RPTOR: variants seen among roughly 807,000 people sequenced by gnomAD.
The protein encoded by RPTOR is regulatory associated protein of MTOR complex 1.
In RPTOR, 21 loss-of-function variants were observed where a neutral mutation model predicts 169.9. The ratio of observed to expected loss-of-function variants is 0.12; its 90% CI spans 0.09 to 0.18. The LOEUF (loss-of-function observed/expected upper bound fraction) is 0.18, where lower values mean the gene tolerates loss of function less well. Among genes scored for constraint, RPTOR ranks in the 10% least tolerant of loss-of-function variants. RPTOR has a pLI of 1.00. For synonymous variants in RPTOR, 732 were observed against 753.2 expected (o/e 0.97, Z 0.46); for missense variants, 1,133 against 1,855.9 (o/e 0.61, Z 7.16).
chr17:80,865,021 G>A (rs2067971083), intron 13 of RPTOR, among the ~76,000 whole-genome samples: 2 of 152,288 alleles, frequency 1.3e-5, no homozygotes, highest in Non-Finnish European at 1.5e-5. Flanking sequence ...AGAGCAAAAT[G>A]CATGCTAACA....
intron 3 of RPTOR, among the ~76,000 whole-genome samples, chr17:80,663,110 G>A (rs1157697320): frequency 6.6e-6 from 1 of 152,130 alleles, no homozygotes; most frequent in East Asian, 1.9e-4. Context: ...GTTCACTCAG[G>A]GTGAGGCTTC....
Position 80,754,445 on chromosome 17 carries a change from A to G in RPTOR, c.830+260A>G, listed in dbSNP as rs566215722. Among the ~76,000 whole-genome samples the G allele has an allele frequency of 6.6e-6, 1 of 152,096 alleles. No individual in the cohort carries two copies. The highest frequency in any genetic ancestry group is 1.9e-4 in the East Asian group (1 of 5,170). On this transcript the variant is annotated intron_variant, in intron 6 of 33. Transcript: ENST00000306801. The surrounding 1 kb of genome is among the most constrained non-coding windows in gnomAD (Gnocchi z 4.2). Reference sequence around the variant, plus strand: ...CGATTTCCAAGAACACCCTCTCCTTACCTTTGTTCACTGCGGAGGCGTCTT... The same window carrying G: ...CGATTTCCAAGAACACCCTCTCCTTGCCTTTGTTCACTGCGGAGGCGTCTT...
At position 80,561,242 on chromosome 17, in the gene RPTOR, TATATATATGTATATATATATGTATATA is replaced by T. The variant is rs1568304493; in HGVS notation, c.162+15452_162+15478del. Among the ~76,000 whole-genome samples, 3 of 5,454 alleles carry T rather than the reference TATATATATGTATATATATATGTATATA, an allele frequency of 5.5e-4. No homozygotes were observed. In the Admixed American group the frequency reaches 0.027, roughly 49 times the overall value. 3.6% of individuals were successfully genotyped at this position (5,454 alleles called of 152,430 possible). On this transcript the variant is annotated intron_variant, in intron 1 of 33. Transcript: ENST00000306801. ...CCTGCCACCACACCCGGCTAATTTA[TATATATATGTATATATATATGTATATA>T]TATATATATATATATATATTTAGTA...
intron 1 of RPTOR, among the ~76,000 whole-genome samples, chr17:80,567,978 C>T (rs760842266): frequency 1.2e-4 from 18 of 151,620 alleles, no homozygotes; most frequent in Non-Finnish European, 2.1e-4. Flanking sequence ...GTGATCTTGG[C>T]TCACTGCAAC....
intron 3 of RPTOR, among the ~76,000 whole-genome samples, chr17:80,648,731 T>C (rs1022208963): frequency 2.6e-5 from 4 of 152,234 alleles, no homozygotes; most frequent in African/African-American, 7.2e-5. Context: ...ATGAATTTTA[T>C]AGATGGATGC....
In RPTOR at chr17:80,883,952, C is replaced by G; in HGVS notation, c.1822C>G (p.Leu608Val). Residue 608 changes from leucine (L) to valine (V), a missense_variant, in exon 16 of 34, where the codon CTC becomes GTC. By Grantham distance (32) the Leu-to-Val change is conservative. Coordinates refer to ENST00000306801, the MANE Select transcript of RPTOR (RefSeq NM_020761.3). ...CGCTCATGAGAAGCTCTACAGCCTC[C>G]TCTCCGACCCCATTCCCGAGGTGAG... Reference protein sequence around the residue: ...DSAHEKLYSLLSDPIPEVRCA... With the variant: ...DSAHEKLYSLVSDPIPEVRCA... 6.2e-7 allele frequency: 1 copy of G among 1,611,092 alleles called. No individual in the cohort carries two copies. The highest frequency in any genetic ancestry group is 8.5e-7 in the Non-Finnish European group (1 of 1,178,320).
intron 13 of RPTOR, chr17:80,858,190 TC>T: frequency 2.4e-6 from 1 of 416,026 alleles, no homozygotes; most frequent in Non-Finnish European, 4.5e-6. Context: ...CTGCACTCAG[TC>T]CCCCTGCCTG....
chr17:80,885,479 C>T (rs1235796022), intron 17 of RPTOR, among the ~76,000 whole-genome samples: 1 of 118,952 alleles, frequency 8.4e-6, no homozygotes, highest in Non-Finnish European at 1.9e-5. Flanking sequence ...GGTTTGTGTG[C>T]TGGGTCCCCC....
In RPTOR at chr17:80,825,389, A is replaced by G. The variant is rs114464275; in HGVS notation, c.1136+2166A>G. 1.5e-3 allele frequency among the ~76,000 whole-genome samples: 186 copies of G among 122,088 alleles called. 2 individuals are homozygous for G. The highest frequency in any genetic ancestry group is 5.2e-3 in the African/African-American group (172 of 33,240). 80.1% of individuals were successfully genotyped at this position (122,088 alleles called of 152,430 possible). ...TTGGCACAGGGCAGCCACATCCCAC[A>G]TCTCTGTCTAGAGACTGCTTTCTAG... On this transcript the variant is annotated intron_variant, in intron 9 of 33. Coordinates refer to ENST00000306801, the MANE Select transcript of RPTOR (RefSeq NM_020761.3).
At chr17:80,938,101 C>A (rs562554404) in intron 24 of RPTOR, among the ~76,000 whole-genome samples, 1 of 152,368 alleles carries the variant, frequency 6.6e-6, no homozygotes, top group East Asian at 1.9e-4. Context: ...CGGGAGAGGG[C>A]CCTTGCAGTG....
intron 5 of RPTOR, among the ~76,000 whole-genome samples, chr17:80,731,687 T>C (rs940730032): frequency 1.3e-5 from 2 of 152,254 alleles, no homozygotes; most frequent in East Asian, 1.9e-4. Context: ...TCATGAGTTC[T>C]ACTGGTTGCA....
At chr17:80,865,382 A>C (rs1185362080) in intron 13 of RPTOR, among the ~76,000 whole-genome samples, 3 of 152,170 alleles carry the variant, frequency 2.0e-5, no homozygotes, top group Non-Finnish European at 4.4e-5. Context: ...GCAAGAAAAA[A>C]CCATACCATG....
At chr17:80,561,393 G>A (rs2084493197) in intron 1 of RPTOR, among the ~76,000 whole-genome samples, 1 of 151,524 alleles carries the variant, frequency 6.6e-6, no homozygotes, top group African/African-American at 2.4e-5. Flanking sequence ...ATAGGCATGA[G>A]CCACGCACCC....
intron 4 of RPTOR, among the ~76,000 whole-genome samples, chr17:80,714,103 T>A (rs1014216458): frequency 6.6e-6 from 1 of 152,100 alleles, no homozygotes; most frequent in African/African-American, 2.4e-5. Context: ...CACGCCTGGC[T>A]AACTGTTTTG....
chr17:80,738,434 A>G (rs2066453039), intron 5 of RPTOR, among the ~76,000 whole-genome samples: 1 of 152,238 alleles, frequency 6.6e-6, no homozygotes. Flanking sequence ...TCCGAGTCCT[A>G]GAATTTGGAG....
chr17:80,917,262 G>A (rs574609869), intron 21 of RPTOR, among the ~76,000 whole-genome samples: 2 of 151,874 alleles, frequency 1.3e-5, no homozygotes, highest in East Asian at 2.0e-4. Context: ...ACAGGCACGC[G>A]CTACCATGCC....
At chr17:80,943,460 G>C (rs2069058820) in intron 25 of RPTOR, among the ~76,000 whole-genome samples, 1 of 152,240 alleles carries the variant, frequency 6.6e-6, no homozygotes, top group Admixed American at 6.5e-5. Flanking sequence ...TCCCCGCAAA[G>C]CCGGAGTCCT....
At chr17:80,750,859 G>A (rs532896927) in intron 5 of RPTOR, among the ~76,000 whole-genome samples, 154 of 152,008 alleles carry the variant, frequency 1.0e-3, no homozygotes, top group African/African-American at 3.6e-3. Flanking sequence ...TAATGTCACC[G>A]AACTGTACAT....
chr17:80,840,098 C>G (rs1317340551), intron 10 of RPTOR, among the ~76,000 whole-genome samples: 1 of 152,180 alleles, frequency 6.6e-6, no homozygotes. Flanking sequence ...TCAAGCTGCA[C>G]ATACTCGTGT....
Sources: gnomAD v4.1 joint callset for allele counts (sites outside exome capture counted in the v4.1 genomes callset) on GRCh38, gnomAD v4.1.1 for gene constraint, Gnocchi (gnomAD v3.1) non-coding constraint, MANE v1.5 for transcripts, NCBI Gene and HGNC (gene_info 2026-07-23, HGNC 2026-07-21) for gene names.